APC2: variants seen among roughly 807,000 people sequenced by gnomAD.
APC2 encodes APC regulator of Wnt signaling pathway 2, also known as adenomatous polyposis coli protein 2.
Under a neutral mutation model 72.5 loss-of-function variants are expected in APC2, and 41 were observed. The ratio of observed to expected loss-of-function variants is 0.57; its 90% CI spans 0.44 to 0.73. The LOEUF (loss-of-function observed/expected upper bound fraction) is 0.73, where lower values mean the gene tolerates loss of function less well. APC2 is among the 30% of genes least tolerant of loss of function. The probability of loss-of-function intolerance (pLI) is 0.00; values close to 1 mark genes in which losing one functional copy is unlikely to be tolerated. For synonymous variants in APC2, 1,898 were observed against 1,612.0 expected (o/e 1.18, Z -4.25); for missense variants, 3,729 against 3,403.4 (o/e 1.10, Z -2.38).
chr19:1,457,846 G>T, intron 9 of APC2, 119 bp from the exon 10 acceptor site: 1 of 825,074 alleles, frequency 1.2e-6, no homozygotes, highest in South Asian at 1.5e-5. Flanking sequence ...CAACTTTGCA[G>T]CCATTTGCAA....
At chr19:1,463,977 C>T (rs752825416) in intron 14 of APC2, among the ~76,000 whole-genome samples, 26 of 151,766 alleles carry the variant, frequency 1.7e-4, no homozygotes, top group Non-Finnish European at 2.9e-4. Context: ...GAGTTTGAGA[C>T]CAGCCCAGCC....
chr19:1,448,494 C>G (rs1193179549), upstream of APC2, among the ~76,000 whole-genome samples: 1 of 150,090 alleles, frequency 6.7e-6, no homozygotes, highest in Non-Finnish European at 1.5e-5. Context: ...TGCGGTGAGC[C>G]GAGATGGCGC....
chr19:1,472,327 C>T lies in APC2; in HGVS notation c.*2114C>T, dbSNP rs1169233041. The T allele has an allele frequency of 2.0e-5, 3 of 152,314 alleles. No individual in the cohort carries two copies. Among genetic ancestry groups the T allele is most frequent in the Admixed American group, 6.5e-5 (1 of 15,290 alleles). 9.4% of individuals were successfully genotyped at this position (152,314 alleles called of 1,614,324 possible). Reference sequence around the variant, plus strand: ...GAAATGGCGAAGCCAGCCACCAGGTCGCTGGTGACAGGGCCAGGGTTATGC... The same window carrying T: ...GAAATGGCGAAGCCAGCCACCAGGTTGCTGGTGACAGGGCCAGGGTTATGC... On this transcript the variant is annotated 3_prime_UTR_variant, in exon 15 of 15. Coordinates refer to ENST00000590469, the MANE Select transcript of APC2 (RefSeq NM_005883.3).
At chr19:1,459,030 C>G (rs1447760192) in intron 10 of APC2, among the ~76,000 whole-genome samples, 2 of 152,066 alleles carry the variant, frequency 1.3e-5, no homozygotes, top group African/African-American at 4.8e-5. Flanking sequence ...TCCTGCTCAT[C>G]CTGTCCCCAG....
In APC2 at chr19:1,471,095, C is replaced by A. The variant is rs2084126520; in HGVS notation, c.*882C>A. The A allele has an allele frequency of 1.3e-5, 2 of 152,218 alleles. No individual in the cohort carries two copies. Among genetic ancestry groups the A allele is most frequent in the African/African-American group, 4.8e-5 (2 of 41,426 alleles). 9.4% of individuals were successfully genotyped at this position (152,218 alleles called of 1,614,324 possible). ...ATCGGCCCGGCGCAGCCGCGGCGGGCGAGGCCAATGGAAAGGAGACTGAGG... is the reference window on the plus strand; with the variant it reads ...ATCGGCCCGGCGCAGCCGCGGCGGGAGAGGCCAATGGAAAGGAGACTGAGG... On this transcript the variant is annotated 3_prime_UTR_variant, in exon 15 of 15. Transcript: ENST00000590469.
rs771853896 is a variant in APC2 at position 1,466,245 on chromosome 19, G to A, written c.2944G>A (p.Glu982Lys). The A allele has an allele frequency of 6.5e-6, 10 of 1,536,422 alleles. No individual in the cohort carries two copies. Among genetic ancestry groups the A allele is most frequent in the Admixed American group, 2.0e-5 (1 of 50,166 alleles). ...PGCQAEPPAR[E>K]ATSADARVRT... is the part of the protein sequence containing the mutation. ...CTGCCAGGCCGAGCCCCCGGCCCGC[G>A]AGGCCACCTCCGCCGACGCCCGCGT... The change falls in exon 15 of 15, where the codon GAG (glutamate) becomes AAG (lysine). Residue 982 changes from glutamate (E) to lysine (K), a missense_variant. Transcript: ENST00000590469.
At position 1,468,695 on chromosome 19, in the gene APC2, C is replaced by G. The variant is rs775941790; in HGVS notation, c.5394C>G (p.Ser1798Arg). ...LRGRTVIYVP[S>R]PAPRAQPKGT... ...GACGAACAGTGATCTACGTCCCCAG[C>G]CCGGCACCCCGTGCCCAGCCCAAAG... Residue 1798 changes from serine to arginine, a missense_variant, in exon 15 of 15, where the codon AGC becomes AGG. Coordinates refer to ENST00000590469, the MANE Select transcript of APC2 (RefSeq NM_005883.3). The G allele has an allele frequency of 6.5e-7, 1 of 1,543,406 alleles. No individual in the cohort carries two copies. Among genetic ancestry groups the G allele is most frequent in the East Asian group, 2.4e-5 (1 of 41,284 alleles).
At chr19:1,458,200 G>A (rs549155915) in intron 10 of APC2, 140 bp downstream of exon 10, 3 of 752,110 alleles carry the variant, frequency 4.0e-6, no homozygotes, top group African/African-American at 3.5e-5. Context: ...ACTCCCTGGA[G>A]TCACATAGCA....
rs1406132743 is a variant in APC2, at chr19:1,463,261, C to CA, written c.1853+1092dup. On this transcript the variant is annotated intron_variant, in intron 14 of 14. Transcript: ENST00000590469. ...GTGAACCCCGTCTCTACTGCAAATA[C>CA]AAAAAAAATAGCCAGGCATGGTGGC... 1.2e-4 allele frequency among the ~76,000 whole-genome samples: 18 copies of CA among 150,206 alleles called. No individual in the cohort carries two copies. In the East Asian group the frequency reaches 1.4e-3, roughly 12 times the overall value.
In APC2 at chr19:1,460,868, G is replaced by C. The variant is rs752477016; in HGVS notation, c.1521+11G>C. The C allele has an allele frequency of 5.6e-6, 9 of 1,613,198 alleles. No individual in the cohort carries two copies. The East Asian group carries it at 2.0e-4, about 36-fold the overall frequency. ...GAGGAGCTCCACCAGGTACAGGGCG[G>C]GGTGCTGGGAAAGCCTTCCAGGGTG... On this transcript the variant is annotated intron_variant, in intron 12 of 14. Coordinates refer to ENST00000590469, the MANE Select transcript of APC2 (RefSeq NM_005883.3).
rs1045503352 is a variant in APC2 at position 1,452,474 on chromosome 19, G to A, written c.-18-510G>A. The stretch of plus-strand genomic sequence containing the variant: ...CATTGTCCATCGGCAGGGACAGCTG[G>A]TGGTCTGTCCGCCCCGCGTGTCTGG... On this transcript the variant is annotated intron_variant, in intron 1 of 14. Transcript: ENST00000590469. The surrounding 1 kb of genome is among the most constrained non-coding windows in gnomAD (Gnocchi z 5.1). 3 of 164,344 alleles carry A rather than the reference G, an allele frequency of 1.8e-5. No individual in the cohort carries two copies. Among genetic ancestry groups the A allele is most frequent in the South Asian group, 1.6e-4 (1 of 6,434 alleles). 10.2% of individuals were successfully genotyped at this position (164,344 alleles called of 1,614,324 possible).
At chr19:1,451,743 G>A (rs8113781) in intron 1 of APC2, 55,902 of 152,146 alleles carry the variant, frequency 0.37, 10,682 homozygotes, top group African/African-American at 0.48. Context: ...GACCAAGAAG[G>A]AGCCGGATGA....
chr19:1,461,671 T>C (rs1386496218), intron 13 of APC2: 2 of 414,144 alleles, frequency 4.8e-6, no homozygotes. Flanking sequence ...GCTAACACGG[T>C]GAAACCCCGT....
intron 9 of APC2, 70 bp from the exon 10 acceptor site, chr19:1,457,895 C>CGGGCGGGGGG (rs71174372): frequency 1.2e-5 from 15 of 1,251,720 alleles, no homozygotes; most frequent in South Asian, 3.9e-5. Context: ...GGGCGGGTTG[C>CGGGCGGGGGG]GGGACCTTCG....
At position 1,469,760 on chromosome 19, in the gene APC2, C is replaced by T. The variant is rs1296307578; in HGVS notation, c.6459C>T (p.Asp2153=). 6.6e-7 allele frequency: 1 copy of T among 1,505,314 alleles called. No individual in the cohort carries two copies. 93.2% of individuals were successfully genotyped at this position (1,505,314 alleles called of 1,614,324 possible). Residue 2153 remains aspartate, a synonymous_variant, in exon 15 of 15, where the codon GAC becomes GAT. Transcript: ENST00000590469. The stretch of plus-strand genomic sequence containing the variant: ...CCTGGCGGCGCATCCGAGATGAGGA[C>T]GTGCCCCACATCCTGCGCAGCACGC... ...GTTWRRIRDE[D]VPHILRSTLP...
In APC2 at chr19:1,466,238, G is replaced by A. The variant is rs773998780; in HGVS notation, c.2937G>A (p.Pro979=). 1.0e-4 allele frequency: 156 copies of A among 1,534,492 alleles called. 1 individual carries two copies. The South Asian group carries it at 1.7e-3, about 16-fold the overall frequency. The change falls in exon 15 of 15, where the codon CCG becomes CCA. Residue 979 remains proline (P), a synonymous_variant. Coordinates refer to ENST00000590469, the MANE Select transcript of APC2 (RefSeq NM_005883.3). ...LDLPGCQAEP[P]AREATSADAR... ...TGCCCGGCTGCCAGGCCGAGCCCCC[G>A]GCCCGCGAGGCCACCTCCGCCGACG...
At position 1,467,325 on chromosome 19, in the gene APC2, C is replaced by G. The variant is rs1342943928; in HGVS notation, c.4024C>G (p.Leu1342Val). ...PRGAADQELE[L>V]LRECLGAAVP... ...CGGCGCCGCGGACCAGGAGCTGGAA[C>G]TGCTGCGGGAGTGCCTGGGAGCCGC... The change falls in exon 15 of 15, where the codon CTG (leucine) becomes GTG (valine). Residue 1342 changes from leucine to valine, a missense_variant. Transcript: ENST00000590469. 1 of 1,399,056 alleles carries G rather than the reference C, an allele frequency of 7.1e-7. No homozygotes were observed. Among genetic ancestry groups the G allele is most frequent in the Non-Finnish European group, 9.3e-7 (1 of 1,080,180 alleles). The allele number at this position is 1,399,056 out of a possible 1,614,324, so 86.7% of individuals were successfully genotyped here.
rs1315628614 is a variant in APC2, at chr19:1,462,007, T to C, written c.1683T>C (p.Ser561=). 1.9e-6 allele frequency: 3 copies of C among 1,613,132 alleles called. No homozygotes were observed. The highest frequency in any genetic ancestry group is 2.5e-6 in the Non-Finnish European group (3 of 1,179,990). Residue 561 remains serine (S), a synonymous_variant, in exon 14 of 15, where the codon TCT becomes TCC. Coordinates refer to ENST00000590469, the MANE Select transcript of APC2 (RefSeq NM_005883.3). ...KSVLSALWNL[S]AHSTENKAAI... ...TGCTGAGCGCCCTGTGGAATCTGTC[T>C]GCACACAGCACAGAGAACAAGGCGG...
In APC2 at chr19:1,466,399, C is replaced by G. The variant is rs756527027; in HGVS notation, c.3098C>G (p.Ala1033Gly). ...GCCCGGAAGCAGGCCTGGCTGCCGG[C>G]AGACCACCTGAGCAAGGTTCCCGAG... ...PGARKQAWLP[A>G]DHLSKVPEKL... The change falls in exon 15 of 15, where the codon GCA becomes GGA. Residue 1033 changes from alanine (A) to glycine (G), a missense_variant. Transcript: ENST00000590469. 2 of 1,593,088 alleles carry G rather than the reference C, an allele frequency of 1.3e-6. No homozygotes were observed. Among genetic ancestry groups the G allele is most frequent in the African/African-American group, 2.7e-5 (2 of 74,818 alleles).
Sources: gnomAD v4.1 joint callset for allele counts (sites outside exome capture counted in the v4.1 genomes callset) on GRCh38, gnomAD v4.1.1 for gene constraint, Gnocchi (gnomAD v3.1) non-coding constraint, MANE v1.5 for transcripts, NCBI Gene and HGNC (gene_info 2026-07-23, HGNC 2026-07-21) for gene names.